Variants in RAE1 observed in about 807,000 individuals in gnomAD.
RAE1 encodes ribonucleic acid export 1, also known as mRNA export factor RAE1.
In RAE1, 13 loss-of-function variants were observed where a neutral mutation model predicts 52.7. The observed-to-expected ratio is 0.25, with a 90% CI of 0.16 to 0.39. RAE1 has a LOEUF of 0.39. Among genes scored for constraint, RAE1 ranks in the 10% least tolerant of loss-of-function variants. The pLI is 1.00. For synonymous variants in RAE1, 164 were observed against 153.1 expected, an observed-to-expected ratio of 1.07 and a Z score of -0.52; for missense variants, 262 against 459.8, an observed-to-expected ratio of 0.57 and a Z score of 3.93.
At position 57,352,037 on chromosome 20, in the gene RAE1, G is replaced by A. The variant is rs531657820; in HGVS notation, c.-8+615G>A. 1,450 of 936,082 alleles carry A rather than the reference G, an allele frequency of 1.5e-3. 5 individuals are homozygous for A. Among genetic ancestry groups the A allele is most frequent in the Non-Finnish European group, 1.8e-3 (1,401 of 785,144 alleles). 58.0% of individuals were successfully genotyped at this position (936,082 alleles called of 1,614,324 possible). On this transcript the variant is annotated intron_variant, in intron 1 of 11. Transcript: ENST00000395841. ...CTCTTGGAGCCAGCATTCTGGGGGGGAAGAGATTTTGAGTGTAAACAAGAA... is the reference window on the plus strand; with the variant it reads ...CTCTTGGAGCCAGCATTCTGGGGGGAAAGAGATTTTGAGTGTAAACAAGAA...
chr20:57,360,197 G>A (rs1034423990), intron 4 of RAE1, among the ~76,000 whole-genome samples: 3 of 152,122 alleles, frequency 2.0e-5, no homozygotes, highest in African/African-American at 7.2e-5. Flanking sequence ...CGTGCTTCAT[G>A]GCCTTATTCA....
intron 4 of RAE1, among the ~76,000 whole-genome samples, chr20:57,357,152 CTG>C (rs2066800532): frequency 6.6e-6 from 1 of 152,192 alleles, no homozygotes; most frequent in South Asian, 2.1e-4. Context: ...TGCTGTAAAA[CTG>C]AACCTTTTTG....
intron 4 of RAE1, chr20:57,358,735 C>T (rs945425652): frequency 5.6e-6 from 2 of 360,018 alleles, no homozygotes; most frequent in Non-Finnish European, 5.0e-6. Flanking sequence ...TATAGGATTG[C>T]GCTGTTATCC....
chr20:57,357,916 A>G (rs988022998), intron 4 of RAE1: 2 of 152,216 alleles, frequency 1.3e-5, no homozygotes, highest in Non-Finnish European at 2.9e-5. Flanking sequence ...TTATCAGTAG[A>G]ACTGATAGCT....
chr20:57,351,693 C>T (rs1248313329), intron 1 of RAE1: 14 of 985,376 alleles, frequency 1.4e-5, no homozygotes, highest in African/African-American at 1.7e-5. Flanking sequence ...CTCTGTCCCT[C>T]CCCCTTACAC....
At position 57,354,709 on chromosome 20, in the gene RAE1, C is replaced by A; in HGVS notation, c.91-3C>A. ...CATTTTAACATTGACTTTTTTCCCG[C>A]AGGATATTGAAGTAACATCATCTCC... is the stretch of plus-strand genomic sequence containing the variant. On this transcript the variant is annotated splice_region_variant and splice_polypyrimidine_tract_variant and intron_variant, in intron 2 of 11. Transcript: ENST00000395841. The A allele has an allele frequency of 6.4e-7, 1 of 1,555,658 alleles. No individual in the cohort carries two copies. Among genetic ancestry groups the A allele is most frequent in the Non-Finnish European group, 8.6e-7 (1 of 1,156,568 alleles).
chr20:57,358,820 G>A (rs1440071278), intron 4 of RAE1: 5 of 470,366 alleles, frequency 1.1e-5, no homozygotes, highest in African/African-American at 6.0e-5. Context: ...GTGGTCTTAG[G>A]TTGTTAGGAG....
chr20:57,368,595 T>G, intron 7 of RAE1, 110 bp from the exon 8 acceptor site: 1 of 629,734 alleles, frequency 1.6e-6, no homozygotes, highest in East Asian at 2.8e-5. Flanking sequence ...AATCCCAGGA[T>G]TATTAAAATC....
intron 11 of RAE1, among the ~76,000 whole-genome samples, chr20:57,375,618 C>T (rs1034161263): frequency 6.2e-4 from 94 of 152,158 alleles, no homozygotes; most frequent in African/African-American, 2.2e-3. Flanking sequence ...ATGGAAGGCT[C>T]GAGGAACCAT....
chr20:57,352,178 A>G (rs973943594), intron 1 of RAE1, among the ~76,000 whole-genome samples: 2 of 152,166 alleles, frequency 1.3e-5, no homozygotes, highest in South Asian at 4.1e-4. Flanking sequence ...AAATAACATT[A>G]ATTTCAACCA....
chr20:57,366,766 T>C (rs1165156149), intron 5 of RAE1, 41 bp from the exon 6 acceptor site: 1 of 1,534,940 alleles, frequency 6.5e-7, no homozygotes, highest in Non-Finnish European at 9.0e-7. Context: ...AGCACATTCT[T>C]ACATTTACCT....
At chr20:57,362,624 A>G (rs1489094069) in intron 4 of RAE1, among the ~76,000 whole-genome samples, 1 of 152,204 alleles carries the variant, frequency 6.6e-6, no homozygotes, top group African/African-American at 2.4e-5. Context: ...TCTAAGTTTC[A>G]TAGCATCTAG....
At chr20:57,351,760 T>G in intron 1 of RAE1, 1 of 985,536 alleles carries the variant, frequency 1.0e-6, no homozygotes, top group Non-Finnish European at 1.2e-6. Flanking sequence ...CCTGGCCGCT[T>G]TGCAGAAGGG....
intron 4 of RAE1, chr20:57,357,973 T>C (rs2066817871): frequency 6.7e-6 from 1 of 149,888 alleles, no homozygotes; most frequent in Non-Finnish European, 1.5e-5. Flanking sequence ...GGGCCACAGC[T>C]CATAGTGCGC....
intron 10 of RAE1, among the ~76,000 whole-genome samples, 199 bp downstream of exon 10, chr20:57,373,937 A>G (rs1282238270): frequency 6.6e-6 from 1 of 152,206 alleles, no homozygotes; most frequent in Non-Finnish European, 1.5e-5. Context: ...TCTGTCGCCC[A>G]GGCTGGAGTG....
intron 5 of RAE1, 84 bp from the exon 6 acceptor site, chr20:57,366,719 GTTTC>G: frequency 7.9e-7 from 1 of 1,272,210 alleles, no homozygotes; most frequent in Non-Finnish European, 1.1e-6. Flanking sequence ...ATTTAAATTA[GTTTC>G]TTCCCTTTGA....
Position 57,366,869 on chromosome 20 carries a change from T to C in RAE1, c.438T>C (p.Thr146=). ...IKAPNYSCVM[T]GSWDKTLKFW... is the part of the protein sequence containing the mutation. ...CTCCAAACTACAGCTGTGTGATGAC[T>C]GGGAGCTGGGATAAGACTTTAAAGG... The change falls in exon 6 of 12, where the codon ACT becomes ACC. Residue 146 remains threonine, a synonymous_variant. Transcript: ENST00000395841. 1 of 1,613,096 alleles carries C rather than the reference T, an allele frequency of 6.2e-7. No individual in the cohort carries two copies. Among genetic ancestry groups the C allele is most frequent in the Non-Finnish European group, 8.5e-7 (1 of 1,179,004 alleles).
chr20:57,368,646 G>A, intron 7 of RAE1, 59 bp from the exon 8 acceptor site: 1 of 1,203,364 alleles, frequency 8.3e-7, no homozygotes, highest in Non-Finnish European at 1.2e-6. Flanking sequence ...AAATACATTA[G>A]TATAAAAACA....
In RAE1 at chr20:57,379,042, T is replaced by C. The variant is rs1315507714; in HGVS notation, c.*943T>C. The C allele has an allele frequency of 1.3e-5, 2 of 152,232 alleles. No individual in the cohort carries two copies. Among genetic ancestry groups the C allele is most frequent in the Non-Finnish European group, 2.9e-5 (2 of 68,044 alleles). The allele number at this position is 152,232 out of a possible 1,614,324, so 9.4% of individuals were successfully genotyped here. A position where few individuals can be genotyped will look rare whatever the true frequency, so the allele number is the denominator to read the frequency against. On this transcript the variant is annotated 3_prime_UTR_variant, in exon 12 of 12. Transcript: ENST00000395841. ...AGTGTGACTTTTGGGTCTGTCACTG[T>C]ATTTCTCACCTGTGATCTCAAATGC...
Sources: gnomAD v4.1 joint callset for allele counts (sites outside exome capture counted in the v4.1 genomes callset) on GRCh38, gnomAD v4.1.1 for gene constraint, MANE v1.5 for transcripts, NCBI Gene and HGNC (gene_info 2026-07-23, HGNC 2026-07-21) for gene names.